MYO5B: variants seen among roughly 807,000 people sequenced by gnomAD.
The protein encoded by MYO5B is myosin VB, also known as unconventional myosin-Vb.
A neutral mutation model predicts 229.3 loss-of-function variants in MYO5B; 143 were observed. The observed-to-expected ratio is 0.62, with a 90% confidence interval of 0.54 to 0.72. MYO5B has a LOEUF of 0.72. Among genes scored for constraint, MYO5B ranks in the 30% least tolerant of loss-of-function variants. The probability of loss-of-function intolerance (pLI) is 0.00; values close to 1 mark genes in which losing one functional copy is unlikely to be tolerated. For synonymous variants in MYO5B, 918 were observed against 885.2 expected (o/e 1.04, Z -0.66); for missense variants, 2,321 against 2,331.0 (o/e 1.00, Z 0.09).
intron 11 of MYO5B, 119 bp from the exon 12 acceptor site, chr18:49,962,525 T>G (rs1371330106): frequency 2.2e-6 from 3 of 1,393,724 alleles, no homozygotes; most frequent in Non-Finnish European, 3.0e-6. Context: ...AGATAAGGTT[T>G]GGATGCTAAG....
chr18:49,949,294 T>C (rs952143747), intron 14 of MYO5B, among the ~76,000 whole-genome samples: 1 of 151,658 alleles, frequency 6.6e-6, no homozygotes, highest in Non-Finnish European at 1.5e-5. Flanking sequence ...GGTTGATAAA[T>C]TATTCCTTTT....
At position 50,010,309 on chromosome 18, in the gene MYO5B, G is replaced by A. The variant is rs1294243211; in HGVS notation, c.456-8898C>T. Among the ~76,000 whole-genome samples the A allele has an allele frequency of 2.6e-5, 4 of 152,264 alleles. No individual in the cohort carries two copies. The East Asian group carries it at 5.8e-4, about 22-fold the overall frequency. ...CGAAATGAATCTGTCCCTTCCTCTT[G>A]CTGGCTATTCCCAAGCAGGGCTGTC... On this transcript the variant is annotated intron_variant, in intron 4 of 39. Coordinates refer to ENST00000285039, the MANE Select transcript of MYO5B (RefSeq NM_001080467.3).
chr18:50,030,876 GA>G (rs869189090), intron 4 of MYO5B, among the ~76,000 whole-genome samples: 1 of 30,500 alleles, frequency 3.3e-5, no homozygotes, highest in Admixed American at 5.7e-4. Context: ...CTCCCTTTCA[GA>G]AAAAAAAAAA....
chr18:49,992,787 G>A (rs116170605), intron 5 of MYO5B, among the ~76,000 whole-genome samples: 2,542 of 152,210 alleles, frequency 0.017, 57 homozygotes, highest in African/African-American at 0.057. Flanking sequence ...GAACCATGAG[G>A]AAAAGGCCTA....
chr18:49,922,780 A>G (rs1029151158), intron 17 of MYO5B, among the ~76,000 whole-genome samples: 8 of 152,232 alleles, frequency 5.3e-5, no homozygotes, highest in Admixed American at 3.3e-4. Flanking sequence ...TGTAATTACA[A>G]AAAGAAGTGG....
At position 49,912,141 on chromosome 18, in the gene MYO5B, C is replaced by A. The variant is rs201670299; in HGVS notation, c.2123G>T (p.Arg708Leu). ...WAYHDFFNRYRVLVKKRELAN... is the reference protein window; with the variant it reads ...WAYHDFFNRYLVLVKKRELAN... ...GAGCTCTCTCTTCTTGACCAGCACC[C>A]GATACCGGTTGAAAAAGTCATGGTA... The change falls in exon 18 of 40, where the codon CGG becomes CTG. Residue 708 changes from arginine to leucine, a missense_variant. Around this residue, in one of 2 missense-constraint regions of MYO5B, gnomAD observed 2,113 missense variants for 2,044.7 expected, o/e 1.03. Coordinates refer to ENST00000285039, the MANE Select transcript of MYO5B (RefSeq NM_001080467.3). The A allele has an allele frequency of 2.5e-6, 4 of 1,613,954 alleles. No individual in the cohort carries two copies. The highest frequency in any genetic ancestry group is 1.1e-5 in the South Asian group (1 of 91,052).
At chr18:49,864,479 C>T (rs1447159952) in intron 27 of MYO5B, 99 bp from the exon 28 acceptor site, 2 of 1,532,616 alleles carry the variant, frequency 1.3e-6, no homozygotes, top group African/African-American at 2.7e-5. Flanking sequence ...CACTGGGAAA[C>T]TTCGCTCTTT....
intron 13 of MYO5B, 126 bp downstream of exon 13, chr18:49,954,187 G>A (rs2025465382): frequency 2.8e-6 from 4 of 1,417,060 alleles, no homozygotes; most frequent in Non-Finnish European, 4.0e-6. Context: ...GATGGAAGGG[G>A]AACCTAGCTG....
intron 22 of MYO5B, among the ~76,000 whole-genome samples, chr18:49,887,977 C>T (rs779784497): frequency 1.3e-5 from 2 of 152,176 alleles, no homozygotes; most frequent in South Asian, 2.1e-4. Context: ...TGAGCCACCA[C>T]ACCCAGCCCA....
Position 49,849,742 on chromosome 18 carries a change from G to A in MYO5B, c.4222-82C>T, listed in dbSNP as rs576820918. The A allele has an allele frequency of 1.5e-5, 16 of 1,098,634 alleles. No homozygotes were observed. The East Asian group carries it at 3.7e-4, about 26-fold the overall frequency. The allele number at this position is 1,098,634 out of a possible 1,614,324, so 68.1% of individuals were successfully genotyped here. A position where few individuals can be genotyped will look rare whatever the true frequency, so the allele number is the denominator to read the frequency against. ...GGTAAAATCCTGCTTGCAGTTGGAG[G>A]TGACCAGTGCGGCCCATGGGCAGCC... On this transcript the variant is annotated intron_variant, in intron 31 of 39. Coordinates refer to ENST00000285039, the MANE Select transcript of MYO5B (RefSeq NM_001080467.3).
intron 1 of MYO5B, among the ~76,000 whole-genome samples, chr18:50,113,182 AGTACCT>A (rs2031897473): frequency 6.6e-6 from 1 of 151,320 alleles, no homozygotes; most frequent in African/African-American, 2.5e-5. Flanking sequence ...ATATTTGCTC[AGTACCT>A]GTAGTCAGCA....
Position 49,880,377 on chromosome 18 carries a change from A to C in MYO5B, c.3124T>G (p.Ser1042Ala). 6.2e-7 allele frequency: 1 copy of C among 1,613,858 alleles called. No homozygotes were observed. Among genetic ancestry groups the C allele is most frequent in the East Asian group, 2.2e-5 (1 of 44,870 alleles). Residue 1042 changes from serine to alanine, a missense_variant, in exon 23 of 40, where the codon TCT becomes GCT. Ser to Ala is a moderately conservative substitution (Grantham distance 99). Around this residue, in one of 2 missense-constraint regions of MYO5B, gnomAD observed 2,113 missense variants for 2,044.7 expected, o/e 1.03. Coordinates refer to ENST00000285039, the MANE Select transcript of MYO5B (RefSeq NM_001080467.3). ...CAAGTGCTTTGGTACTTACCTTTAG[A>C]CTGGCACAGGATTTGGTTGTTGAGC... ...EQLNNQILCQ[S>A]KDEFAQNSVK...
At chr18:49,849,690 G>C in intron 31 of MYO5B, 30 bp from the exon 32 acceptor site, 1 of 1,558,376 alleles carries the variant, frequency 6.4e-7, no homozygotes, top group Non-Finnish European at 8.8e-7. Flanking sequence ...TGTGAGAACA[G>C]ACATCAGCCC....
intron 1 of MYO5B, among the ~76,000 whole-genome samples, chr18:50,073,294 C>G (rs554702332): frequency 2.6e-5 from 4 of 152,242 alleles, no homozygotes; most frequent in Middle Eastern, 3.4e-3. Flanking sequence ...TATCACTCAA[C>G]AAAACTCTGC....
chr18:50,094,662 C>CT (rs1386344103), intron 1 of MYO5B, among the ~76,000 whole-genome samples: 1 of 152,126 alleles, frequency 6.6e-6, no homozygotes, highest in Non-Finnish European at 1.5e-5. Context: ...ACCAGTGTTG[C>CT]TTTTATCAAA....
chr18:50,047,653 C>T (rs1041380273), intron 2 of MYO5B, among the ~76,000 whole-genome samples: 113 of 151,924 alleles, frequency 7.4e-4, no homozygotes, highest in Non-Finnish European at 1.4e-3. Flanking sequence ...ATGTTTATTG[C>T]GGCACTATTC....
intron 17 of MYO5B, among the ~76,000 whole-genome samples, chr18:49,914,450 T>C (rs1421596217): frequency 6.6e-6 from 1 of 152,140 alleles, no homozygotes. Flanking sequence ...TTCTGCCTTT[T>C]AAGAGGGCCC....
intron 27 of MYO5B, among the ~76,000 whole-genome samples, chr18:49,870,176 T>C (rs1317259438): frequency 6.6e-6 from 1 of 152,226 alleles, no homozygotes; most frequent in Non-Finnish European, 1.5e-5. Context: ...CACACCCTCC[T>C]ATGCCATCTG....
chr18:49,906,649 G>C lies in MYO5B; in HGVS notation c.2203-19C>G. 6.2e-7 allele frequency: 1 copy of C among 1,600,550 alleles called. No individual in the cohort carries two copies. The highest frequency in any genetic ancestry group is 1.1e-5 in the South Asian group (1 of 90,756). On this transcript the variant is annotated intron_variant, in intron 18 of 39. Coordinates refer to ENST00000285039, the MANE Select transcript of MYO5B (RefSeq NM_001080467.3). Reference sequence around the variant, plus strand: ...CGGGGTCCTTTACAAGGTAGGGAGGGGATCTGGTTGGTCACCAGTGAGCAG... The same window carrying C: ...CGGGGTCCTTTACAAGGTAGGGAGGCGATCTGGTTGGTCACCAGTGAGCAG...
Sources: allele counts gnomAD v4.1 joint callset (sites outside exome capture counted in the v4.1 genomes callset), GRCh38; gene constraint gnomAD v4.1.1; regional missense constraint gnomAD v4.1.1; transcripts MANE v1.5; gene names NCBI Gene and HGNC (gene_info 2026-07-23, HGNC 2026-07-21).